The following MOB3B variants were observed in gnomAD, a reference collection of about 807,000 sequenced individuals.
MOB3B encodes the protein MOB kinase activator-like 2B.
Under a neutral mutation model 18.7 loss-of-function variants are expected in MOB3B, and 7 were observed. The observed-to-expected ratio is 0.37, with a 90% CI of 0.21 to 0.70. MOB3B has a LOEUF of 0.70. Among genes scored for constraint, MOB3B ranks in the 30% least tolerant of loss-of-function variants. The pLI is 0.52. For synonymous variants in MOB3B, 111 were observed against 99.9 expected (o/e 1.11, Z -0.66); for missense variants, 253 against 281.3 (o/e 0.90, Z 0.72).
At chr9:27,344,348 G>C (rs1369366672) in intron 3 of MOB3B, among the ~76,000 whole-genome samples, 1 of 152,194 alleles carries the variant, frequency 6.6e-6, no homozygotes, top group Non-Finnish European at 1.5e-5. Context: ...ATTGCTGTCA[G>C]TATTAGAAAA....
rs538815555 is a variant in MOB3B, at chr9:27,399,670, G to A, written c.419-40434C>T. 4.6e-5 allele frequency among the ~76,000 whole-genome samples: 7 copies of A among 152,230 alleles called. No individual in the cohort carries two copies. In the South Asian group the frequency reaches 1.5e-3, roughly 32 times the overall value. ...TCTGAACCCATCCGCTAATCTGAAG[G>A]ACAGAGTGATATAAACTCCCAAATT... On this transcript the variant is annotated intron_variant, in intron 2 of 3. Coordinates refer to ENST00000262244, the MANE Select transcript of MOB3B (RefSeq NM_024761.5).
At chr9:27,381,257 C>T (rs1351373618) in intron 2 of MOB3B, among the ~76,000 whole-genome samples, 1 of 151,788 alleles carries the variant, frequency 6.6e-6, no homozygotes, top group East Asian at 1.9e-4. Context: ...TTCTAAGGTG[C>T]CTTCTGGACC....
chr9:27,457,134 C>T (rs777248269), intron 1 of MOB3B, among the ~76,000 whole-genome samples: 2 of 152,206 alleles, frequency 1.3e-5, no homozygotes, highest in Non-Finnish European at 2.9e-5. Flanking sequence ...CAAATGCTTT[C>T]TCTACATGGC....
At chr9:27,444,861 A>T (rs1822667503) in intron 2 of MOB3B, among the ~76,000 whole-genome samples, 1 of 152,220 alleles carries the variant, frequency 6.6e-6, no homozygotes, top group Non-Finnish European at 1.5e-5. Context: ...GCCCAGAATA[A>T]GTAATAAATG....
chr9:27,463,201 T>G (rs1819320795), intron 1 of MOB3B, among the ~76,000 whole-genome samples: 1 of 152,188 alleles, frequency 6.6e-6, no homozygotes, highest in African/African-American at 2.4e-5. Flanking sequence ...ATGCCTAAAA[T>G]TCTAATTATA....
intron 1 of MOB3B, among the ~76,000 whole-genome samples, chr9:27,495,151 A>G (rs969143229): frequency 9.9e-5 from 15 of 152,192 alleles, no homozygotes; most frequent in African/African-American, 3.6e-4. Context: ...CAACCTGGTG[A>G]GACCTTGTCT....
intron 1 of MOB3B, among the ~76,000 whole-genome samples, chr9:27,492,199 C>T (rs1022230985): frequency 2.6e-5 from 4 of 151,992 alleles, no homozygotes; most frequent in African/African-American, 9.7e-5. Flanking sequence ...GATGCTGGTT[C>T]CCACTGTGGG....
At chr9:27,412,943 C>T (rs925638493) in intron 2 of MOB3B, among the ~76,000 whole-genome samples, 2 of 152,350 alleles carry the variant, frequency 1.3e-5, no homozygotes, top group Admixed American at 1.3e-4. Flanking sequence ...AGGGACCAGG[C>T]TGGACCATTC....
In MOB3B at chr9:27,455,144, G is replaced by A. The variant is rs1487075687; in HGVS notation, c.407C>T (p.Pro136Leu). The A allele has an allele frequency of 6.2e-7, 1 of 1,613,948 alleles. No individual in the cohort carries two copies. Among genetic ancestry groups the A allele is most frequent in the African/African-American group, 1.3e-5 (1 of 74,884 alleles). The change falls in exon 2 of 4, where the codon CCA becomes CTA. Residue 136 changes from proline (P) to leucine (L), a missense_variant. By Grantham distance (98) the Pro-to-Leu change is moderately conservative (BLOSUM62 -3). Transcript: ENST00000262244. ...GGTAATGAACTTACCCACGCATGTT[G>A]GAAATATTTCCTCGTTGTTGATCTG... ...EVQINNEEIF[P>L]TCVGVPFPKN... is the part of the protein sequence containing the mutation.
intron 2 of MOB3B, among the ~76,000 whole-genome samples, chr9:27,428,001 A>G (rs1025196302): frequency 3.3e-5 from 5 of 152,108 alleles, no homozygotes; most frequent in Admixed American, 3.3e-4. Flanking sequence ...GCGGTGACCA[A>G]CCTACTTCCA....
chr9:27,442,521 T>C (rs1298166368), intron 2 of MOB3B, among the ~76,000 whole-genome samples: 2 of 152,208 alleles, frequency 1.3e-5, no homozygotes, highest in African/African-American at 4.8e-5. Flanking sequence ...GTGGGAAGCA[T>C]TGGCAGGAGA....
chr9:27,453,612 C>T (rs1446118215), intron 2 of MOB3B, among the ~76,000 whole-genome samples: 1 of 152,040 alleles, frequency 6.6e-6, no homozygotes, highest in African/African-American at 2.4e-5. Context: ...TGTACTATGA[C>T]TTCTGGTCAG....
At chr9:27,457,018 G>A (rs949711714) in intron 1 of MOB3B, among the ~76,000 whole-genome samples, 1 of 152,144 alleles carries the variant, frequency 6.6e-6, no homozygotes, top group African/African-American at 2.4e-5. Flanking sequence ...TTTATAGTGG[G>A]TATCATTCTT....
At chr9:27,511,462 T>C (rs1214149896) in intron 1 of MOB3B, among the ~76,000 whole-genome samples, 1 of 152,188 alleles carries the variant, frequency 6.6e-6, no homozygotes, top group African/African-American at 2.4e-5. Context: ...GCATGCTTCA[T>C]GCCCAGTTCA....
intron 2 of MOB3B, among the ~76,000 whole-genome samples, chr9:27,380,448 A>C (rs1821560677): frequency 6.6e-6 from 1 of 152,044 alleles, no homozygotes; most frequent in African/African-American, 2.4e-5. Flanking sequence ...CATGTTGGCC[A>C]GGATGGTCTC....
intron 1 of MOB3B, among the ~76,000 whole-genome samples, chr9:27,469,936 G>GCAAAA (rs1157437965): frequency 1.3e-5 from 2 of 151,614 alleles, no homozygotes; most frequent in African/African-American, 2.4e-5. Context: ...AGCCATCTCT[G>GCAAAA]CAAAACAAAA....
At chr9:27,464,924 A>G (rs1819356141) in intron 1 of MOB3B, among the ~76,000 whole-genome samples, 1 of 152,176 alleles carries the variant, frequency 6.6e-6, no homozygotes, top group African/African-American at 2.4e-5. Flanking sequence ...TCCCTGCCAT[A>G]GCATGTGAGA....
At position 27,424,825 on chromosome 9, in the gene MOB3B, T is replaced by A. The variant is rs1423921949; in HGVS notation, c.418+30308A>T. 2.0e-5 allele frequency among the ~76,000 whole-genome samples: 3 copies of A among 152,166 alleles called. No individual in the cohort carries two copies. The East Asian group carries it at 5.8e-4, about 29-fold the overall frequency. ...AGAACACAAGAGTTATGTTGGTGCA[T>A]CAGTAGTAGCCATCCATGTTCCATA... On this transcript the variant is annotated intron_variant, in intron 2 of 3. Transcript: ENST00000262244.
At chr9:27,502,199 C>A (rs1417731197) in intron 1 of MOB3B, among the ~76,000 whole-genome samples, 1 of 152,146 alleles carries the variant, frequency 6.6e-6, no homozygotes, top group South Asian at 2.1e-4. Context: ...AGACAATGAG[C>A]GAATTCTCCA....
Sources: gnomAD v4.1 joint callset for allele counts (sites outside exome capture counted in the v4.1 genomes callset) on GRCh38, gnomAD v4.1.1 for gene constraint, MANE v1.5 for transcripts, NCBI Gene and HGNC (gene_info 2026-07-23, HGNC 2026-07-21) for gene names.